ARL6IP6: variants seen among roughly 807,000 people sequenced by gnomAD.
The protein encoded by ARL6IP6 is ARF like GTPase 6 interacting protein 6.
Under a neutral mutation model 21.5 loss-of-function variants are expected in ARL6IP6, and 22 were observed. The ratio of observed to expected loss-of-function variants is 1.02; its 90% confidence interval spans 0.73 to 1.46. The LOEUF is 1.46. ARL6IP6 is among the 40% of genes most tolerant of loss of function. ARL6IP6 has a pLI of 0.00. For synonymous variants in ARL6IP6, 164 were observed against 125.3 expected (o/e 1.31, Z -2.06); for missense variants, 388 against 299.8 (o/e 1.29, Z -2.17).
At chr2:152,730,875 T>C (rs1700277382) in intron 2 of ARL6IP6, among the ~76,000 whole-genome samples, 1 of 152,182 alleles carries the variant, frequency 6.6e-6, no homozygotes, top group Admixed American at 6.5e-5. Context: ...TTGCATGGGC[T>C]TTTCTAGATG....
intron 3 of ARL6IP6, among the ~76,000 whole-genome samples, chr2:152,738,416 C>T (rs574629412): frequency 6.6e-6 from 1 of 152,254 alleles, no homozygotes; most frequent in African/African-American, 2.4e-5. Flanking sequence ...CCACATTTCC[C>T]TTCTGCACTG....
intron 3 of ARL6IP6, among the ~76,000 whole-genome samples, chr2:152,758,371 G>A (rs565058511): frequency 6.3e-4 from 96 of 151,876 alleles, no homozygotes; most frequent in Admixed American, 1.2e-3. Context: ...ATGGAAGACC[G>A]AACTGTATTA....
chr2:152,719,071 C>T (rs766552790), intron 1 of ARL6IP6, 47 bp downstream of exon 1: 50 of 1,466,876 alleles, frequency 3.4e-5, no homozygotes, highest in Non-Finnish European at 4.1e-5. Flanking sequence ...AAAGTTGAGC[C>T]AGGGTGTGGC....
In ARL6IP6 at chr2:152,718,818, C is replaced by T. The variant is rs1559216377; in HGVS notation, c.194C>T (p.Ser65Leu). The change falls in exon 1 of 4, where the codon TCA becomes TTA. Residue 65 changes from serine to leucine, a missense_variant. Physicochemically the swap from Ser to Leu is moderately radical, Grantham distance 145 (BLOSUM62 -2). Coordinates refer to ENST00000326446, the MANE Select transcript of ARL6IP6 (RefSeq NM_152522.7). ...LRAEFSAGAW[S>L]EPRKRSVLPP... is the part of the protein sequence containing the mutation. ...GCGGAGTTCTCGGCTGGGGCGTGGT[C>T]AGAGCCCAGAAAGCGCTCGGTGCTC... is the stretch of plus-strand genomic sequence containing the variant. 1.9e-6 allele frequency: 3 copies of T among 1,608,646 alleles called. No individual in the cohort carries two copies. Among genetic ancestry groups the T allele is most frequent in the Non-Finnish European group, 2.5e-6 (3 of 1,177,280 alleles).
chr2:152,744,814 T>C (rs1276258362), intron 3 of ARL6IP6, among the ~76,000 whole-genome samples: 1 of 152,180 alleles, frequency 6.6e-6, no homozygotes, highest in Non-Finnish European at 1.5e-5. Context: ...ACATTATTTA[T>C]ATGCATCCTT....
At chr2:152,724,931 A>G (rs994035880) in intron 2 of ARL6IP6, among the ~76,000 whole-genome samples, 3 of 151,894 alleles carry the variant, frequency 2.0e-5, no homozygotes, top group African/African-American at 7.3e-5. Context: ...GACCCTGGAG[A>G]TTTTCTTTTT....
At chr2:152,751,993 A>G (rs1220080604) in intron 3 of ARL6IP6, among the ~76,000 whole-genome samples, 1 of 152,166 alleles carries the variant, frequency 6.6e-6, no homozygotes, top group South Asian at 2.1e-4. Context: ...TCCCATCACC[A>G]TGTTAGACTA....
At chr2:152,718,398 C>T, upstream of ARL6IP6, 1 of 521,044 alleles carries the variant, frequency 1.9e-6, no homozygotes, top group Non-Finnish European at 3.0e-6. Context: ...TCCTGCTCCC[C>T]TTTCCGGCTA....
chr2:152,718,495 C>T (rs961184784), upstream of ARL6IP6: 30 of 1,337,038 alleles, frequency 2.2e-5, no homozygotes, highest in Admixed American at 8.4e-5. Flanking sequence ...CCCACCCTTG[C>T]TCTCCGTGGT....
At chr2:152,738,215 G>A (rs1700638611) in intron 3 of ARL6IP6, among the ~76,000 whole-genome samples, 1 of 152,192 alleles carries the variant, frequency 6.6e-6, no homozygotes. Context: ...CATGATGTTG[G>A]GCAGCTCTGC....
At chr2:152,741,686 C>T (rs1294941415) in intron 3 of ARL6IP6, among the ~76,000 whole-genome samples, 3 of 152,068 alleles carry the variant, frequency 2.0e-5, no homozygotes, top group East Asian at 1.9e-4. Flanking sequence ...TTCACTTTTA[C>T]GTAAGCACAA....
chr2:152,717,887 C>G, upstream of ARL6IP6: 11 of 1,026,796 alleles, frequency 1.1e-5, no homozygotes, highest in Non-Finnish European at 1.3e-5. Context: ...GTAGTGTTAG[C>G]GGTGGCTGGG....
chr2:152,731,378 A>G (rs1700302221), intron 2 of ARL6IP6, among the ~76,000 whole-genome samples: 1 of 152,176 alleles, frequency 6.6e-6, no homozygotes, highest in African/African-American at 2.4e-5. Context: ...AGTCCATTGC[A>G]TGTACTTTTT....
chr2:152,723,052 C>T (rs1334516803), intron 2 of ARL6IP6, among the ~76,000 whole-genome samples: 4 of 152,218 alleles, frequency 2.6e-5, no homozygotes, highest in Middle Eastern at 3.2e-3. Flanking sequence ...TAAAACTCCT[C>T]TTGAGATAAT....
chr2:152,759,778 T>C lies in ARL6IP6; in HGVS notation c.619T>C (p.Tyr207His). 1 of 1,613,540 alleles carries C rather than the reference T, an allele frequency of 6.2e-7. No homozygotes were observed. The highest frequency in any genetic ancestry group is 8.5e-7 in the Non-Finnish European group (1 of 1,179,556). ...GACTGGACATTCTTTCCACATGGGC[T>C]ATAGCATGGCGATTTTGAATGGCAT... ...KLTGHSFHMG[Y>H]SMAILNGIVA... Residue 207 changes from tyrosine (Y) to histidine (H), a missense_variant, in exon 4 of 4, where the codon TAT (tyrosine) becomes CAT (histidine). Coordinates refer to ENST00000326446, the MANE Select transcript of ARL6IP6 (RefSeq NM_152522.7).
In ARL6IP6 at chr2:152,759,823, G is replaced by A. The variant is rs373963152; in HGVS notation, c.664G>A (p.Ala222Thr). 10 of 1,613,110 alleles carry A rather than the reference G, an allele frequency of 6.2e-6. No individual in the cohort carries two copies. In the South Asian group the frequency reaches 1.1e-4, roughly 18 times the overall value. The change falls in exon 4 of 4, where the codon GCA (alanine) becomes ACA (threonine). Residue 222 changes from alanine (A) to threonine (T), a missense_variant. By Grantham distance (58) the Ala-to-Thr change is moderately conservative (BLOSUM62 0). Transcript: ENST00000326446. ...LNGIVAALTVAWCLM is the reference protein window; with the variant it reads ...LNGIVAALTVTWCLM The stretch of plus-strand genomic sequence containing the variant: ...TGGCATCGTAGCTGCTCTTACTGTA[G>A]CATGGTGCCTCATGTAAACCCACAC...
Position 152,718,975 on chromosome 2 carries a change from C to T in ARL6IP6, c.351C>T (p.Phe117=), listed in dbSNP as rs1387680621. The stretch of plus-strand genomic sequence containing the variant: ...TCTCTATTCTCTGCTCGCTGCTCTT[C>T]GCCATTCTTCTCGCCTTCCTCCTCG... ...QVLSILCSLL[F]AILLAFLLAI... Residue 117 remains phenylalanine, a synonymous_variant, in exon 1 of 4, where the codon TTC becomes TTT. Transcript: ENST00000326446. 9 of 1,591,570 alleles carry T rather than the reference C, an allele frequency of 5.7e-6. No homozygotes were observed. The highest frequency in any genetic ancestry group is 7.7e-6 in the Non-Finnish European group (9 of 1,167,216).
At chr2:152,731,014 C>T (rs184907270) in intron 2 of ARL6IP6, among the ~76,000 whole-genome samples, 10 of 152,340 alleles carry the variant, frequency 6.6e-5, no homozygotes, top group Admixed American at 1.3e-4. Context: ...CCCTCACTCT[C>T]TCCCTGTTCC....
At chr2:152,738,524 A>C (rs1700652812) in intron 3 of ARL6IP6, among the ~76,000 whole-genome samples, 1 of 152,218 alleles carries the variant, frequency 6.6e-6, no homozygotes, top group Non-Finnish European at 1.5e-5. Flanking sequence ...TCTAGGTGGA[A>C]GTTGCCAGAC....
Sources: allele counts gnomAD v4.1 joint callset (sites outside exome capture counted in the v4.1 genomes callset), GRCh38; gene constraint gnomAD v4.1.1; transcripts MANE v1.5; gene names NCBI Gene and HGNC (gene_info 2026-07-23, HGNC 2026-07-21).